Variants in SEZ6L observed in about 807,000 individuals in gnomAD.
SEZ6L encodes the protein seizure related 6 homolog like, also known as seizure 6-like protein.
In SEZ6L, 37 loss-of-function variants were observed where a neutral mutation model predicts 106.2. The ratio of observed to expected loss-of-function variants is 0.35; its 90% CI spans 0.27 to 0.46. The LOEUF (loss-of-function observed/expected upper bound fraction) is 0.46. Among genes scored for constraint, SEZ6L ranks in the 20% least tolerant of loss-of-function variants. SEZ6L has a pLI of 1.00. For missense variants in SEZ6L, 1,172 were observed against 1,332.8 expected (o/e 0.88, Z 1.88); for synonymous variants, 541 against 570.4 (o/e 0.95, Z 0.73).
intron 13 of SEZ6L, among the ~76,000 whole-genome samples, chr22:26,367,894 ATGG>A (rs1174957796): frequency 6.6e-6 from 1 of 152,306 alleles, no homozygotes; most frequent in East Asian, 1.9e-4. Context: ...CACCTCCCAG[ATGG>A]TGAAGTGAGA....
In SEZ6L at chr22:26,217,242, C is replaced by T. The variant is rs17301091; in HGVS notation, c.94+47479C>T. Among the ~76,000 whole-genome samples the T allele has an allele frequency of 8.7e-3, 1,319 of 152,296 alleles. 6 individuals are homozygous for T. The highest frequency in any genetic ancestry group is 0.013 in the Non-Finnish European group (918 of 68,018). The stretch of plus-strand genomic sequence containing the variant: ...CCTTCCCACCACCATAGTGACATTT[C>T]CAAACCCAACACTGACTATAACCCT... On this transcript the variant is annotated intron_variant, in intron 1 of 16. Transcript: ENST00000248933.
chr22:26,237,548 C>T (rs940561903), intron 1 of SEZ6L, among the ~76,000 whole-genome samples: 1 of 152,216 alleles, frequency 6.6e-6, no homozygotes, highest in Non-Finnish European at 1.5e-5. Context: ...GAAGTGAGTT[C>T]ATATATGCAA....
chr22:26,251,797 T>A (rs1466866589), intron 1 of SEZ6L, among the ~76,000 whole-genome samples: 1 of 152,200 alleles, frequency 6.6e-6, no homozygotes, highest in Non-Finnish European at 1.5e-5. Flanking sequence ...GATGGACATC[T>A]ATATCCCAAC....
At position 26,375,703 on chromosome 22, in the gene SEZ6L, G is replaced by C. The variant is rs1477675390; in HGVS notation, c.2942+14G>C. 1 of 1,596,662 alleles carries C rather than the reference G, an allele frequency of 6.3e-7. No individual in the cohort carries two copies. Among genetic ancestry groups the C allele is most frequent in the Non-Finnish European group, 8.6e-7 (1 of 1,166,422 alleles). On this transcript the variant is annotated intron_variant, in intron 15 of 16. Transcript: ENST00000248933. Reference sequence around the variant, plus strand: ...TTACATCACAAGGTAGGGAGCTGATGGGGGAGATGACTGCCAAGCACCCAG... The same window carrying C: ...TTACATCACAAGGTAGGGAGCTGATCGGGGAGATGACTGCCAAGCACCCAG...
chr22:26,314,078 A>ACG (rs2081927989), intron 9 of SEZ6L, among the ~76,000 whole-genome samples, 176 bp downstream of exon 9: 1 of 138,926 alleles, frequency 7.2e-6, no homozygotes, highest in East Asian at 2.2e-4. Context: ...AAATACACAC[A>ACG]CACACACACA....
chr22:26,347,391 G>C (rs1234839546), intron 10 of SEZ6L, among the ~76,000 whole-genome samples: 1 of 152,102 alleles, frequency 6.6e-6, no homozygotes, highest in African/African-American at 2.4e-5. Flanking sequence ...CTCATGAAAG[G>C]TCAAGGAACC....
chr22:26,196,844 G>A (rs1208767035), intron 1 of SEZ6L, among the ~76,000 whole-genome samples: 1 of 152,176 alleles, frequency 6.6e-6, no homozygotes, highest in African/African-American at 2.4e-5. Flanking sequence ...TAGATTCAAG[G>A]ACGTCTCCCA....
chr22:26,174,525 G>C (rs919957107), intron 1 of SEZ6L, among the ~76,000 whole-genome samples: 1 of 152,200 alleles, frequency 6.6e-6, no homozygotes, highest in Non-Finnish European at 1.5e-5. Flanking sequence ...CGCGGTGTTC[G>C]CTGTTGTCCA....
chr22:26,170,197 C>G (rs930719194), intron 1 of SEZ6L, among the ~76,000 whole-genome samples: 13 of 151,942 alleles, frequency 8.6e-5, no homozygotes, highest in African/African-American at 2.9e-4. Flanking sequence ...CAACTGAGGA[C>G]TAGACTCAAA....
chr22:26,258,324 T>C (rs1026175038), intron 1 of SEZ6L, among the ~76,000 whole-genome samples: 1 of 152,142 alleles, frequency 6.6e-6, no homozygotes, highest in Non-Finnish European at 1.5e-5. Flanking sequence ...GTGTCAGACA[T>C]GTGAATGGTT....
chr22:26,274,887 T>C (rs9620601), intron 1 of SEZ6L, among the ~76,000 whole-genome samples: 1 of 152,220 alleles, frequency 6.6e-6, no homozygotes, highest in African/African-American at 2.4e-5. Context: ...TGACCACTCA[T>C]GTGGCTACCG....
At chr22:26,232,473 C>T (rs1184189108) in intron 1 of SEZ6L, among the ~76,000 whole-genome samples, 1 of 151,776 alleles carries the variant, frequency 6.6e-6, no homozygotes, top group East Asian at 1.9e-4. Flanking sequence ...TGACTTTGTA[C>T]AAAATACAGC....
intron 1 of SEZ6L, among the ~76,000 whole-genome samples, chr22:26,175,034 C>A (rs1481414102): frequency 1.3e-5 from 2 of 152,128 alleles, no homozygotes; most frequent in East Asian, 3.9e-4. Flanking sequence ...GCCTCAGATC[C>A]AGGCTGGTGT....
chr22:26,326,785 G>A (rs550643985), intron 9 of SEZ6L, among the ~76,000 whole-genome samples: 3 of 152,336 alleles, frequency 2.0e-5, no homozygotes, highest in South Asian at 2.1e-4. Context: ...GAGGTGGGCC[G>A]AGGTGGCAGG....
chr22:26,304,361 AAAAGAAAGAAG>A (rs1180036759), intron 5 of SEZ6L, among the ~76,000 whole-genome samples: 2 of 112,994 alleles, frequency 1.8e-5, no homozygotes, highest in South Asian at 2.7e-4. Flanking sequence ...CAAAAAAAAA[AAAAGAAAGAAG>A]AAAGAAAGAA....
chr22:26,286,862 C>G (rs2080951058), intron 1 of SEZ6L, among the ~76,000 whole-genome samples: 1 of 151,638 alleles, frequency 6.6e-6, no homozygotes, highest in South Asian at 2.1e-4. Flanking sequence ...ATTCTCCCGC[C>G]TCAGCTTCCC....
At chr22:26,368,977 G>A (rs1415796307) in intron 13 of SEZ6L, among the ~76,000 whole-genome samples, 1 of 152,148 alleles carries the variant, frequency 6.6e-6, no homozygotes, top group African/African-American at 2.4e-5. Context: ...CAACCAGCCA[G>A]TCACCGCAGC....
chr22:26,272,442 A>G (rs2080399922), intron 1 of SEZ6L, among the ~76,000 whole-genome samples: 1 of 152,172 alleles, frequency 6.6e-6, no homozygotes, highest in Non-Finnish European at 1.5e-5. Context: ...AAAAAAACCG[A>G]ATTTTTACCC....
At chr22:26,278,679 A>C (rs1412156364) in intron 1 of SEZ6L, among the ~76,000 whole-genome samples, 1 of 151,914 alleles carries the variant, frequency 6.6e-6, no homozygotes, top group Non-Finnish European at 1.5e-5. Flanking sequence ...TTGTGGTGGG[A>C]CCCAGGTTCT....
Sources: allele counts gnomAD v4.1 joint callset (sites outside exome capture counted in the v4.1 genomes callset), GRCh38; gene constraint gnomAD v4.1.1; transcripts MANE v1.5; gene names NCBI Gene and HGNC (gene_info 2026-07-23, HGNC 2026-07-21).